The following SV2C variants were observed in gnomAD, a reference collection of about 807,000 sequenced individuals.
The protein encoded by SV2C is synaptic vesicle glycoprotein 2C.
In SV2C, 49 loss-of-function variants were observed where a neutral mutation model predicts 79.7. The ratio of observed to expected loss-of-function variants is 0.61; its 90% CI spans 0.49 to 0.78. The LOEUF is 0.78. Ranked by LOEUF, SV2C falls within the 30% of genes least tolerant of loss-of-function variation. The pLI, the probability that SV2C is intolerant of heterozygous loss-of-function variation, is 0.00. For missense variants in SV2C, 833 were observed against 912.9 expected, an observed-to-expected ratio of 0.91 and a Z score of 1.13; for synonymous variants, 334 against 333.2, an observed-to-expected ratio of 1.00 and a Z score of -0.03.
the SV2C span, among the ~76,000 whole-genome samples, chr5:76,072,760 C>T: frequency 0.18 from 27,863 of 152,092 alleles, 3,207 homozygotes; most frequent in South Asian, 0.34. Context: ...CACATCCAGA[C>T]CAACGTCTAT....
At chr5:75,925,693 T>C in the SV2C span, among the ~76,000 whole-genome samples, 1 of 151,948 alleles carries the variant, frequency 6.6e-6, no homozygotes, top group Non-Finnish European at 1.5e-5. Context: ...TCTTTAATAT[T>C]TTCTATATTA....
intron 4 of SV2C, among the ~76,000 whole-genome samples, chr5:76,277,057 A>G (rs370974606): frequency 3.3e-5 from 5 of 152,268 alleles, no homozygotes; most frequent in African/African-American, 1.2e-4. Flanking sequence ...AGATACCACT[A>G]GATACCTATA....
At chr5:76,306,088 C>A (rs183080972) in intron 12 of SV2C, among the ~76,000 whole-genome samples, 72 of 152,282 alleles carry the variant, frequency 4.7e-4, no homozygotes, top group Admixed American at 3.8e-3. Context: ...CAATCTGTAA[C>A]CAGAGCTGGA....
chr5:76,307,424 A>G lies in SV2C; in HGVS notation c.2000+5879A>G, dbSNP rs565557204. On this transcript the variant is annotated intron_variant, in intron 12 of 12. Coordinates refer to ENST00000502798, the MANE Select transcript of SV2C (RefSeq NM_014979.4). ...CAGAGGGGACTTCCTTATTATGCTC[A>G]TTTGGGTTGGCCGGAATCACCTGTT... 2.9e-3 allele frequency among the ~76,000 whole-genome samples: 443 copies of G among 152,206 alleles called. 1 individual carries two copies. The highest frequency in any genetic ancestry group is 0.01 in the Middle Eastern group (3 of 294).
At chr5:75,934,298 C>CTTTTTTTTT in the SV2C span, among the ~76,000 whole-genome samples, 1 of 87,582 alleles carries the variant, frequency 1.1e-5, no homozygotes, top group African/African-American at 6.6e-5. Flanking sequence ...TTTTTTCTTT[C>CTTTTTTTTT]TTTCTTTTTT....
the SV2C span, chr5:75,911,584 C>A: frequency 9.8e-4 from 665 of 681,954 alleles, no homozygotes; most frequent in Non-Finnish European, 1.6e-3. Context: ...TAATCCAGAA[C>A]TACAAAAGAA....
intron 4 of SV2C, among the ~76,000 whole-genome samples, chr5:76,244,531 C>A (rs780847074): frequency 7.2e-5 from 11 of 152,212 alleles, no homozygotes; most frequent in Non-Finnish European, 1.6e-4. Flanking sequence ...TCCAAAATGT[C>A]ATTTCAACAT....
chr5:76,140,156 A>G (rs1749205515), intron 2 of SV2C, among the ~76,000 whole-genome samples: 1 of 152,184 alleles, frequency 6.6e-6, no homozygotes, highest in South Asian at 2.1e-4. Context: ...CACTCAACCA[A>G]AATTTATTGA....
chr5:76,206,812 G>A (rs1236239072), intron 3 of SV2C, among the ~76,000 whole-genome samples: 1 of 152,180 alleles, frequency 6.6e-6, no homozygotes, highest in African/African-American at 2.4e-5. Context: ...AGGACAAGGA[G>A]TAATTTTTTC....
chr5:76,140,447 G>A (rs1749213049), intron 2 of SV2C, among the ~76,000 whole-genome samples: 1 of 152,096 alleles, frequency 6.6e-6, no homozygotes, highest in African/African-American at 2.4e-5. Flanking sequence ...ATTCTGTTGG[G>A]ATTTCTAGCT....
chr5:75,990,302 A>G, the SV2C span, among the ~76,000 whole-genome samples: 3 of 151,880 alleles, frequency 2.0e-5, no homozygotes. Context: ...TCTTTAGTTT[A>G]TCTTGAGTTC....
intron 2 of SV2C, among the ~76,000 whole-genome samples, chr5:76,194,614 G>A (rs1744213043): frequency 6.6e-6 from 1 of 152,172 alleles, no homozygotes; most frequent in Non-Finnish European, 1.5e-5. Flanking sequence ...CCTAAATAAA[G>A]ACAGCTTTTA....
the SV2C span, among the ~76,000 whole-genome samples, chr5:75,963,337 T>C: frequency 6.6e-6 from 1 of 152,056 alleles, no homozygotes; most frequent in Non-Finnish European, 1.5e-5. Flanking sequence ...TTAGAAAGAG[T>C]GTATGGGAGG....
chr5:76,340,148 A>G (rs1561326167), intron 12 of SV2C, among the ~76,000 whole-genome samples: 1 of 152,244 alleles, frequency 6.6e-6, no homozygotes, highest in African/African-American at 2.4e-5. Context: ...ATGCAATGGC[A>G]ATATCAAGAA....
the SV2C span, among the ~76,000 whole-genome samples, chr5:75,964,619 C>G: frequency 6.6e-6 from 1 of 152,222 alleles, no homozygotes; most frequent in African/African-American, 2.4e-5. Flanking sequence ...TGGGCATCCC[C>G]CTCCATCAAA....
chr5:75,911,513 G>A, the SV2C span: 1 of 712,900 alleles, frequency 1.4e-6, no homozygotes, highest in Non-Finnish European at 2.5e-6. Context: ...TCAACCACTG[G>A]CCCTAGGGTC....
chr5:75,855,434 G>T, the SV2C span, among the ~76,000 whole-genome samples: 1 of 152,002 alleles, frequency 6.6e-6, no homozygotes, highest in African/African-American at 2.4e-5. Flanking sequence ...CTACATACAG[G>T]TATACCTCAT....
At chr5:75,912,129 C>G in the SV2C span, among the ~76,000 whole-genome samples, 1 of 152,282 alleles carries the variant, frequency 6.6e-6, no homozygotes, top group African/African-American at 2.4e-5. Flanking sequence ...TAGAATAAGA[C>G]TTTATACATT....
chr5:76,186,295 T>C (rs34252474), intron 2 of SV2C, among the ~76,000 whole-genome samples: 15,187 of 152,286 alleles, frequency 0.1, 939 homozygotes, highest in Non-Finnish European at 0.13. Context: ...TTCCACATTT[T>C]CGGGTATCTT....
Sources: allele counts gnomAD v4.1 joint callset (sites outside exome capture counted in the v4.1 genomes callset), GRCh38; gene constraint gnomAD v4.1.1; transcripts MANE v1.5; gene names NCBI Gene and HGNC (gene_info 2026-07-23, HGNC 2026-07-21).